The following CDH9 variants were observed in gnomAD, a reference collection of about 807,000 sequenced individuals.
The protein encoded by CDH9 is cadherin-9.
Under a neutral mutation model 70.9 loss-of-function variants are expected in CDH9, and 28 were observed. The observed-to-expected ratio is 0.40, with a 90% confidence interval of 0.29 to 0.54. The LOEUF is 0.54. CDH9 is among the 20% of genes least tolerant of loss of function. The probability of loss-of-function intolerance (pLI) is 0.59; values close to 1 mark genes in which losing one functional copy is unlikely to be tolerated. For missense variants in CDH9, 874 were observed against 984.4 expected, an observed-to-expected ratio of 0.89 and a Z score of 1.50; for synonymous variants, 409 against 343.1, an observed-to-expected ratio of 1.19 and a Z score of -2.12.
chr5:26,962,203 AT>A (rs1742048858), intron 2 of CDH9, among the ~76,000 whole-genome samples: 1 of 151,914 alleles, frequency 6.6e-6, no homozygotes, highest in African/African-American at 2.4e-5. Context: ...TATTTGGCAC[AT>A]TTTCTTTATC....
intron 2 of CDH9, among the ~76,000 whole-genome samples, chr5:26,961,782 C>A (rs1230064591): frequency 6.6e-6 from 1 of 152,124 alleles, no homozygotes; most frequent in Non-Finnish European, 1.5e-5. Flanking sequence ...AGTTTCGTCA[C>A]CACCCATAAA....
In CDH9 at chr5:26,881,128, C is replaced by T. The variant is rs1366229384; in HGVS notation, c.*8G>A. ...TTCCACTAATATTGATTAAGTCAAA[C>T]AATCCTCTTAGTCTCGGTCACTATC... On this transcript the variant is annotated 3_prime_UTR_variant, in exon 12 of 12. Coordinates refer to ENST00000231021, the MANE Select transcript of CDH9 (RefSeq NM_016279.4). 2 of 1,586,900 alleles carry T rather than the reference C, an allele frequency of 1.3e-6. No homozygotes were observed. Among genetic ancestry groups the T allele is most frequent in the East Asian group, 2.2e-5 (1 of 44,624 alleles).
At chr5:26,891,185 A>T (rs919085161) in intron 7 of CDH9, among the ~76,000 whole-genome samples, 1 of 152,202 alleles carries the variant, frequency 6.6e-6, no homozygotes, top group African/African-American at 2.4e-5. Flanking sequence ...TTTGTATCTT[A>T]TTAAAGATAA....
intron 2 of CDH9, among the ~76,000 whole-genome samples, chr5:26,972,204 A>T (rs16896433): frequency 0.016 from 2,499 of 152,286 alleles, 65 homozygotes; most frequent in African/African-American, 0.057. Flanking sequence ...CAGATGTAAT[A>T]AGACCAGTTA....
At chr5:26,997,544 T>C (rs1742687494) in intron 1 of CDH9, among the ~76,000 whole-genome samples, 4 of 152,290 alleles carry the variant, frequency 2.6e-5, no homozygotes, top group East Asian at 1.9e-4. Flanking sequence ...CTTGAACATA[T>C]ACCTTATGAG....
chr5:26,925,288 T>C (rs1741316829), intron 2 of CDH9, among the ~76,000 whole-genome samples: 1 of 152,210 alleles, frequency 6.6e-6, no homozygotes, highest in Non-Finnish European at 1.5e-5. Flanking sequence ...TTTGCATTTC[T>C]CTGATGACCA....
Position 26,881,561 on chromosome 5 carries a change from T to G in CDH9, c.1945A>C (p.Lys649Gln), listed in dbSNP as rs759580262. The G allele has an allele frequency of 8.7e-6, 14 of 1,613,426 alleles. No homozygotes were observed. In the South Asian group the frequency reaches 1.5e-4, roughly 18 times the overall value. Reference sequence around the variant, plus strand: ...ACAATGTTGTCCCGGACATCGTCTTTTGAAATTATCAGAGGTTCCTTTTTT... The same window carrying G: ...ACAATGTTGTCCCGGACATCGTCTTGTGAAATTATCAGAGGTTCCTTTTTT... ...QRKKEPLIIS[K>Q]DDVRDNIVTY... The change falls in exon 12 of 12, where the codon AAA becomes CAA. Residue 649 changes from lysine to glutamine, a missense_variant. Physicochemically the swap from Lys to Gln is moderately conservative, Grantham distance 53 (BLOSUM62 1). Coordinates refer to ENST00000231021, the MANE Select transcript of CDH9 (RefSeq NM_016279.4).
intron 2 of CDH9, among the ~76,000 whole-genome samples, chr5:26,977,679 C>A (rs1157882365): frequency 6.6e-6 from 1 of 151,730 alleles, no homozygotes; most frequent in Non-Finnish European, 1.5e-5. Context: ...TATTGGTTAA[C>A]AATTGAAAGG....
In CDH9 at chr5:26,961,463, A is replaced by G. The variant is rs560071594; in HGVS notation, c.228+26643T>C. Among the ~76,000 whole-genome samples the G allele has an allele frequency of 1.8e-4, 28 of 152,206 alleles. 1 individual carries two copies. The South Asian group carries it at 5.4e-3, about 29-fold the overall frequency. ...CTATAGCTTCAATTGTAAATGGAGT[A>G]TGAGTTGGTATAATCTGACCTCTTA... On this transcript the variant is annotated intron_variant, in intron 2 of 11. Coordinates refer to ENST00000231021, the MANE Select transcript of CDH9 (RefSeq NM_016279.4).
At chr5:26,915,976 A>G (rs772971361) in intron 2 of CDH9, 52 bp from the exon 3 acceptor site, 20 of 1,255,846 alleles carry the variant, frequency 1.6e-5, no homozygotes, top group East Asian at 4.7e-5. Context: ...TTATCATTAC[A>G]TAAAACATAA....
chr5:26,970,276 C>T (rs1172333316), intron 2 of CDH9, among the ~76,000 whole-genome samples: 3 of 151,734 alleles, frequency 2.0e-5, no homozygotes, highest in African/African-American at 7.3e-5. Flanking sequence ...TTCATATATA[C>T]AGTGTAAATT....
chr5:26,971,686 T>G (rs568156024), intron 2 of CDH9, among the ~76,000 whole-genome samples: 7 of 152,302 alleles, frequency 4.6e-5, no homozygotes, highest in Admixed American at 3.3e-4. Context: ...TATACATGCC[T>G]GCAGCATGCT....
At position 26,955,513 on chromosome 5, in the gene CDH9, G is replaced by A. The variant is rs149307065; in HGVS notation, c.228+32593C>T. ...GGCTCGTAGCCCCATTCTAAAACCA[G>A]CAAGGGCAGGTCCAGTAATTTTCAC... On this transcript the variant is annotated intron_variant, in intron 2 of 11. Transcript: ENST00000231021. Among the ~76,000 whole-genome samples the A allele has an allele frequency of 6.7e-3, 1,019 of 152,126 alleles. 11 individuals carry two copies. Among genetic ancestry groups the A allele is most frequent in the African/African-American group, 0.023 (964 of 41,496 alleles).
chr5:26,934,844 C>A (rs1489441102), intron 2 of CDH9, among the ~76,000 whole-genome samples: 1 of 151,876 alleles, frequency 6.6e-6, no homozygotes, highest in African/African-American at 2.4e-5. Context: ...GCTACAAATT[C>A]TCTAAAATCT....
intron 2 of CDH9, among the ~76,000 whole-genome samples, chr5:26,917,214 CTAAT>C (rs984755428): frequency 1.3e-5 from 2 of 151,816 alleles, no homozygotes; most frequent in Non-Finnish European, 2.9e-5. Flanking sequence ...TTAAATCAAA[CTAAT>C]TAACAAATTC....
intron 1 of CDH9, among the ~76,000 whole-genome samples, chr5:27,036,774 C>T (rs1019883178): frequency 1.3e-5 from 2 of 151,690 alleles, no homozygotes; most frequent in African/African-American, 4.8e-5. Context: ...GGTATTTCAA[C>T]ATGTTGGCAT....
chr5:26,951,388 AT>A (rs1292126270), intron 2 of CDH9, among the ~76,000 whole-genome samples: 3 of 150,022 alleles, frequency 2.0e-5, no homozygotes, highest in Non-Finnish European at 4.4e-5. Context: ...AACTAATGGT[AT>A]TTAGTAGGAG....
chr5:27,013,707 A>G (rs1278825694), intron 1 of CDH9, among the ~76,000 whole-genome samples: 1 of 151,960 alleles, frequency 6.6e-6, no homozygotes, highest in African/African-American at 2.4e-5. Context: ...CAAGAAAAAA[A>G]TACTGTTTAC....
In CDH9 at chr5:26,914,122, C is replaced by G. The variant is rs537482131; in HGVS notation, c.523+1508G>C. ...AAATATTTCCATTATCTTAATTATACTTTTTACTTTTCTAGGTATGTCAAA... is the reference window on the plus strand; with the variant it reads ...AAATATTTCCATTATCTTAATTATAGTTTTTACTTTTCTAGGTATGTCAAA... On this transcript the variant is annotated intron_variant, in intron 3 of 11. Coordinates refer to ENST00000231021, the MANE Select transcript of CDH9 (RefSeq NM_016279.4). Among the ~76,000 whole-genome samples the G allele has an allele frequency of 2.6e-4, 39 of 151,802 alleles. No homozygotes were observed. The South Asian group carries it at 8.1e-3, about 32-fold the overall frequency.
Sources: allele counts gnomAD v4.1 joint callset (sites outside exome capture counted in the v4.1 genomes callset), GRCh38; gene constraint gnomAD v4.1.1; transcripts MANE v1.5; gene names NCBI Gene and HGNC (gene_info 2026-07-23, HGNC 2026-07-21).